PPP6C: variants seen among roughly 807,000 people sequenced by gnomAD.
PPP6C encodes serine/threonine-protein phosphatase 6 catalytic subunit.
Under a neutral mutation model 39.8 loss-of-function variants are expected in PPP6C, and 11 were observed. The observed-to-expected ratio is 0.28, with a 90% CI of 0.17 to 0.46. The LOEUF (loss-of-function observed/expected upper bound fraction) is 0.46. Among genes scored for constraint, PPP6C ranks in the 20% least tolerant of loss-of-function variants. The probability of loss-of-function intolerance (pLI) is 1.00; values close to 1 mark genes in which losing one functional copy is unlikely to be tolerated. For missense variants in PPP6C, 211 were observed against 373.9 expected, an observed-to-expected ratio of 0.56 and a Z score of 3.59; for synonymous variants, 129 against 130.3, an observed-to-expected ratio of 0.99 and a Z score of 0.07.
chr9:125,158,432 C>T (rs772231104), intron 3 of PPP6C, 50 bp from the exon 4 acceptor site: 4 of 1,548,048 alleles, frequency 2.6e-6, no homozygotes, highest in Non-Finnish European at 3.5e-6. Context: ...CCACAATATT[C>T]TTTTCAAATT....
At chr9:125,163,374 A>G (rs182347764) in intron 2 of PPP6C, among the ~76,000 whole-genome samples, 11 of 152,328 alleles carry the variant, frequency 7.2e-5, no homozygotes, top group Non-Finnish European at 5.9e-5. Context: ...TAATAAAAAT[A>G]TGGTAGAAGA....
intron 1 of PPP6C, among the ~76,000 whole-genome samples, chr9:125,180,997 G>A (rs776110519): frequency 7.9e-5 from 12 of 152,238 alleles, no homozygotes; most frequent in African/African-American, 2.2e-4. Flanking sequence ...TGCGTCCTAC[G>A]ACTGCCACCT....
At chr9:125,167,714 A>T (rs1829053266) in intron 2 of PPP6C, among the ~76,000 whole-genome samples, 1 of 150,302 alleles carries the variant, frequency 6.7e-6, no homozygotes, top group African/African-American at 2.5e-5. Flanking sequence ...AAAAAAAAAA[A>T]ATTTTTTTTT....
chr9:125,174,532 T>TA (rs1829252604), intron 1 of PPP6C, among the ~76,000 whole-genome samples: 1 of 151,516 alleles, frequency 6.6e-6, no homozygotes, highest in Non-Finnish European at 1.5e-5. Context: ...AGCTCCTGTT[T>TA]GTGTTGAATT....
intron 2 of PPP6C, among the ~76,000 whole-genome samples, chr9:125,168,568 C>A (rs1829074802): frequency 6.6e-6 from 1 of 152,080 alleles, no homozygotes; most frequent in African/African-American, 2.4e-5. Context: ...AAGCAATTCT[C>A]CTGCCTCAGC....
chr9:125,178,919 A>C (rs936605908), intron 1 of PPP6C, among the ~76,000 whole-genome samples: 5 of 152,102 alleles, frequency 3.3e-5, no homozygotes, highest in Non-Finnish European at 7.4e-5. Flanking sequence ...ATTGAGTTTT[A>C]AGAGTTATCT....
chr9:125,189,688 C>T lies in PPP6C; in HGVS notation c.31G>A (p.Glu11Lys), dbSNP rs1829622530. 25 of 1,612,014 alleles carry T rather than the reference C, an allele frequency of 1.6e-5. No individual in the cohort carries two copies. Among genetic ancestry groups the T allele is most frequent in the Non-Finnish European group, 1.9e-5 (22 of 1,179,230 alleles). Reference protein sequence around the residue: MAPLDLDKYVEIARLCKYLPE... With the variant: MAPLDLDKYVKIARLCKYLPE... ...AGGTACTTGCACAGCCGCGCTATTT[C>T]CACATACTTGTCCAGGTCTAGCGGC... The change falls in exon 1 of 7, where the codon GAA becomes AAA. Residue 11 changes from glutamate (E) to lysine (K), a missense_variant. Physicochemically the swap from Glu to Lys is moderately conservative, Grantham distance 56. This residue lies in a region of PPP6C where 43 missense variants were observed against 31.3 expected (regional missense o/e 1.38). Coordinates refer to ENST00000373547, the MANE Select transcript of PPP6C (RefSeq NM_002721.5).
rs756091538 is a variant in PPP6C, at chr9:125,149,951, T to C, written c.670-30A>G. ...AATTTAGAAAGGCACTGTAAGTACTTAGCACTTAAAAAACAATCGGCCTAC... is the reference window on the plus strand; with the variant it reads ...AATTTAGAAAGGCACTGTAAGTACTCAGCACTTAAAAAACAATCGGCCTAC... On this transcript the variant is annotated intron_variant, in intron 6 of 6. Coordinates refer to ENST00000373547, the MANE Select transcript of PPP6C (RefSeq NM_002721.5). 8 of 1,598,964 alleles carry C rather than the reference T, an allele frequency of 5.0e-6. No homozygotes were observed. In the African/African-American group the frequency reaches 8.1e-5, roughly 16 times the overall value.
intron 1 of PPP6C, among the ~76,000 whole-genome samples, chr9:125,174,147 G>A (rs12376089): frequency 1.3e-5 from 2 of 152,110 alleles, no homozygotes; most frequent in South Asian, 2.1e-4. Flanking sequence ...TGGATTTTAC[G>A]ATAGGTCTGC....
intron 4 of PPP6C, among the ~76,000 whole-genome samples, chr9:125,156,424 C>A (rs906006198): frequency 2.0e-5 from 3 of 152,012 alleles, no homozygotes; most frequent in Non-Finnish European, 2.9e-5. Context: ...CAGGCAAGTG[C>A]CACCATGCCC....
chr9:125,148,503 A>C lies in PPP6C; in HGVS notation c.*1170T>G, dbSNP rs1366494244. 3 of 152,164 alleles carry C rather than the reference A, an allele frequency of 2.0e-5. No individual in the cohort carries two copies. Among genetic ancestry groups the C allele is most frequent in the African/African-American group, 7.2e-5 (3 of 41,452 alleles). 9.4% of individuals were successfully genotyped at this position (152,164 alleles called of 1,614,324 possible). ...GTATCACAGACCTTTGCAAAAAAGA[A>C]GAACTTGTTTCTTTTTCTACACTTT... On this transcript the variant is annotated 3_prime_UTR_variant, in exon 7 of 7. Transcript: ENST00000373547.
At chr9:125,174,707 C>T (rs560336264) in intron 1 of PPP6C, among the ~76,000 whole-genome samples, 64 of 151,664 alleles carry the variant, frequency 4.2e-4, no homozygotes, top group African/African-American at 1.5e-3. Context: ...GTCAGGAGTT[C>T]GAGACCAGCC....
chr9:125,168,996 T>G (rs1180911981), intron 2 of PPP6C, among the ~76,000 whole-genome samples: 6 of 151,940 alleles, frequency 3.9e-5, no homozygotes, highest in African/African-American at 1.5e-4. Flanking sequence ...CCTGACCTTC[T>G]GATCTGCCTG....
chr9:125,189,610 A>G (rs774287211), intron 1 of PPP6C, 34 bp downstream of exon 1: 15 of 1,611,302 alleles, frequency 9.3e-6, no homozygotes, highest in Non-Finnish European at 1.3e-5. Flanking sequence ...GGCGCCCCAC[A>G]GCCGGAAGGG....
chr9:125,184,486 G>C (rs142563422), intron 1 of PPP6C, among the ~76,000 whole-genome samples: 13 of 151,924 alleles, frequency 8.6e-5, no homozygotes, highest in African/African-American at 2.7e-4. Flanking sequence ...GAGCCCAGGA[G>C]TTTGAGGTTG....
At chr9:125,177,133 G>T (rs1176082424) in intron 1 of PPP6C, among the ~76,000 whole-genome samples, 2 of 152,152 alleles carry the variant, frequency 1.3e-5, no homozygotes. Flanking sequence ...CCAGCACTTT[G>T]GGGGGTCGAG....
chr9:125,158,179 G>C, intron 4 of PPP6C, 62 bp downstream of exon 4: 1 of 1,486,134 alleles, frequency 6.7e-7, no homozygotes, highest in African/African-American at 1.4e-5. Flanking sequence ...GACTTGTGTA[G>C]CTTTGTTTTC....
rs997860911 is a variant in PPP6C at position 125,150,742 on chromosome 9, T to C, written c.670-821A>G. ...GGCCTGGAGCTCGGCAAGGCAGTGA[T>C]TGAGAAATTCAGCAACTAGGAGACC... On this transcript the variant is annotated intron_variant, in intron 6 of 6. Transcript: ENST00000373547. 27 of 758,618 alleles carry C rather than the reference T, an allele frequency of 3.6e-5. No individual in the cohort carries two copies. The Admixed American group carries it at 4.2e-4, about 12-fold the overall frequency. The allele number at this position is 758,618 out of a possible 1,614,324, so 47.0% of individuals were successfully genotyped here.
chr9:125,152,545 C>T (rs761995759), intron 6 of PPP6C, among the ~76,000 whole-genome samples: 8 of 152,076 alleles, frequency 5.3e-5, no homozygotes, highest in Admixed American at 3.3e-4. Context: ...AAAGATTTGA[C>T]GTAGGCTGGG....
Sources: gnomAD v4.1 joint callset for allele counts (sites outside exome capture counted in the v4.1 genomes callset) on GRCh38, gnomAD v4.1.1 for gene constraint, gnomAD v4.1.1 regional missense constraint, MANE v1.5 for transcripts, NCBI Gene and HGNC (gene_info 2026-07-23, HGNC 2026-07-21) for gene names.